Variants in CDC42BPA observed in about 807,000 individuals in gnomAD.
The protein encoded by CDC42BPA is CDC42 binding protein kinase alpha, also known as serine/threonine-protein kinase MRCK alpha.
Under a neutral mutation model 223.5 loss-of-function variants are expected in CDC42BPA, and 80 were observed. The ratio of observed to expected loss-of-function variants is 0.36; its 90% CI spans 0.30 to 0.43. The LOEUF (loss-of-function observed/expected upper bound fraction) is 0.43. CDC42BPA is among the 20% of genes least tolerant of loss of function. The pLI is 1.00. For missense variants in CDC42BPA, 1,743 were observed against 2,099.9 expected, an observed-to-expected ratio of 0.83 and a Z score of 3.32; for synonymous variants, 694 against 718.6, an observed-to-expected ratio of 0.97 and a Z score of 0.55.
chr1:227,024,598 G>A lies in CDC42BPA; in HGVS notation c.4531-1251C>T, dbSNP rs374057370. ...AGTTCACCCAACAGAATATTTTATA[G>A]TACTGAAAGCAATAAACTATATGGT... is the stretch of plus-strand genomic sequence containing the variant. On this transcript the variant is annotated intron_variant, in intron 31 of 36. Coordinates refer to ENST00000366766, the MANE Select transcript of CDC42BPA (RefSeq NM_001394014.1). 2.6e-5 allele frequency among the ~76,000 whole-genome samples: 4 copies of A among 152,272 alleles called. No individual in the cohort carries two copies. The South Asian group carries it at 8.3e-4, about 32-fold the overall frequency.
chr1:227,262,790 T>A (rs975375988), intron 1 of CDC42BPA, among the ~76,000 whole-genome samples: 1 of 152,130 alleles, frequency 6.6e-6, no homozygotes, highest in Admixed American at 6.6e-5. Context: ...AATTACTGGG[T>A]GAACTATAAA....
intron 1 of CDC42BPA, among the ~76,000 whole-genome samples, chr1:227,305,602 T>C (rs1692400821): frequency 6.6e-6 from 1 of 152,188 alleles, no homozygotes; most frequent in Non-Finnish European, 1.5e-5. Context: ...TTCATATACT[T>C]CAAGGATTAT....
At chr1:227,017,075 T>C (rs1666423652) in intron 32 of CDC42BPA, 25 bp from the exon 33 acceptor site, 1 of 1,600,132 alleles carries the variant, frequency 6.2e-7, no homozygotes, top group East Asian at 2.2e-5. Flanking sequence ...ATACAAACGA[T>C]AATGATGTTC....
chr1:227,212,105 T>TA (rs1269746469), intron 3 of CDC42BPA, among the ~76,000 whole-genome samples: 169 of 146,704 alleles, frequency 1.2e-3, no homozygotes, highest in African/African-American at 2.4e-3. Context: ...TTTTTTAGTT[T>TA]AAAAAAAAAA....
chr1:227,233,362 C>T (rs1343119543), intron 2 of CDC42BPA, among the ~76,000 whole-genome samples: 1 of 152,018 alleles, frequency 6.6e-6, no homozygotes, highest in Non-Finnish European at 1.5e-5. Flanking sequence ...AATGGACTAT[C>T]TAGGACCTCC....
At chr1:227,305,848 C>G (rs1692440738) in intron 1 of CDC42BPA, among the ~76,000 whole-genome samples, 3 of 152,164 alleles carry the variant, frequency 2.0e-5, no homozygotes, top group Admixed American at 2.0e-4. Flanking sequence ...TGCCTATAAT[C>G]CCAGCTACTC....
intron 21 of CDC42BPA, chr1:227,059,222 G>T: frequency 1.5e-6 from 1 of 662,552 alleles, no homozygotes; most frequent in Non-Finnish European, 2.6e-6. Context: ...CATAAAAGCA[G>T]CACAGCAACA....
At chr1:227,124,910 G>A (rs1689276243) in intron 11 of CDC42BPA, among the ~76,000 whole-genome samples, 1 of 151,984 alleles carries the variant, frequency 6.6e-6, no homozygotes, top group South Asian at 2.1e-4. Context: ...AAAACCCTAA[G>A]ACATTATACA....
intron 8 of CDC42BPA, among the ~76,000 whole-genome samples, chr1:227,143,746 A>G (rs1477519201): frequency 6.6e-6 from 1 of 152,242 alleles, no homozygotes; most frequent in Admixed American, 6.5e-5. Context: ...TTTAAAGAGA[A>G]GCACACATAA....
At chr1:227,092,368 T>C (rs1049422387) in intron 15 of CDC42BPA, among the ~76,000 whole-genome samples, 30 of 152,186 alleles carry the variant, frequency 2.0e-4, no homozygotes, top group African/African-American at 6.8e-4. Flanking sequence ...TGTATATATA[T>C]GGCAATGCAA....
At chr1:227,115,133 G>A (rs1318327399) in intron 12 of CDC42BPA, among the ~76,000 whole-genome samples, 1 of 151,868 alleles carries the variant, frequency 6.6e-6, no homozygotes, top group Non-Finnish European at 1.5e-5. Flanking sequence ...TATGTTATAC[G>A]TATTTTACCA....
intron 8 of CDC42BPA, 57 bp from the exon 9 acceptor site, chr1:227,143,081 G>C: frequency 9.0e-7 from 1 of 1,109,640 alleles, no homozygotes; most frequent in Non-Finnish European, 1.2e-6. Flanking sequence ...CTGTAGGCTT[G>C]GCTATAAATA....
At chr1:227,221,734 A>G (rs1487726083) in intron 2 of CDC42BPA, among the ~76,000 whole-genome samples, 1 of 152,010 alleles carries the variant, frequency 6.6e-6, no homozygotes, top group Non-Finnish European at 1.5e-5. Context: ...CATTAGACAC[A>G]GAAGTTTTTC....
chr1:227,052,468 C>A (rs1673718967), intron 21 of CDC42BPA, among the ~76,000 whole-genome samples: 1 of 152,152 alleles, frequency 6.6e-6, no homozygotes, highest in Non-Finnish European at 1.5e-5. Flanking sequence ...TAAAGTAAGT[C>A]TTCCCTTTAT....
intron 14 of CDC42BPA, among the ~76,000 whole-genome samples, chr1:227,110,527 C>G (rs1264041303): frequency 6.6e-6 from 1 of 152,152 alleles, no homozygotes; most frequent in African/African-American, 2.4e-5. Context: ...CCTGGGTTTA[C>G]ATTGTACTCT....
At chr1:227,274,833 T>C (rs1271715052) in intron 1 of CDC42BPA, among the ~76,000 whole-genome samples, 1 of 152,180 alleles carries the variant, frequency 6.6e-6, no homozygotes, top group Non-Finnish European at 1.5e-5. Context: ...AGATAATGAC[T>C]GTCATTAGAA....
intron 21 of CDC42BPA, among the ~76,000 whole-genome samples, chr1:227,055,285 TACACC>T (rs1674328107): frequency 6.6e-6 from 1 of 152,132 alleles, no homozygotes; most frequent in South Asian, 2.1e-4. Context: ...TCAAAAGTGT[TACACC>T]ACAAATCACT....
intron 3 of CDC42BPA, among the ~76,000 whole-genome samples, chr1:227,207,046 G>A (rs1232314769): frequency 6.7e-6 from 1 of 148,520 alleles, no homozygotes; most frequent in Non-Finnish European, 1.5e-5. Context: ...TCGTCATTTA[G>A]CATTAGGTAT....
chr1:227,165,713 G>C (rs182866806), intron 5 of CDC42BPA, among the ~76,000 whole-genome samples: 91 of 152,214 alleles, frequency 6.0e-4, no homozygotes, highest in South Asian at 5.0e-3. Context: ...GCAGGCAAAA[G>C]AAGTCTTTAC....
Sources: allele counts gnomAD v4.1 joint callset (sites outside exome capture counted in the v4.1 genomes callset), GRCh38; gene constraint gnomAD v4.1.1; transcripts MANE v1.5; gene names NCBI Gene and HGNC (gene_info 2026-07-23, HGNC 2026-07-21).